SLC71A2: variants seen among roughly 807,000 people sequenced by gnomAD.
The protein encoded by SLC71A2 is solute carrier family 71 member 2, also known as hippocampus abundant transcript-like 1.
At chr9:94,414,183 T>C in the SLC71A2 span, among the ~76,000 whole-genome samples, 1 of 152,248 alleles carries the variant, frequency 6.6e-6, no homozygotes, top group Non-Finnish European at 1.5e-5. Flanking sequence ...TGCAGTTCTT[T>C]GTTTTCTCAG....
At chr9:94,458,357 C>T in the SLC71A2 span, 9 of 1,613,188 alleles carry the variant, frequency 5.6e-6, no homozygotes, top group Non-Finnish European at 7.6e-6. Context: ...AATAAGAGGA[C>T]TATGCAATGG....
the SLC71A2 span, among the ~76,000 whole-genome samples, chr9:94,447,738 A>G: frequency 3.3e-5 from 5 of 152,150 alleles, no homozygotes; most frequent in African/African-American, 1.2e-4. Flanking sequence ...ATGGGTTTGG[A>G]CAAACGTATG....
At chr9:94,378,325 G>A in the SLC71A2 span, among the ~76,000 whole-genome samples, 4 of 152,032 alleles carry the variant, frequency 2.6e-5, no homozygotes, top group South Asian at 8.3e-4. Context: ...AGCTTATCAC[G>A]TGTTGGGGAG....
the SLC71A2 span, among the ~76,000 whole-genome samples, chr9:94,452,630 TA>T: frequency 1.0e-5 from 1 of 98,570 alleles, no homozygotes; most frequent in South Asian, 3.3e-4. Context: ...TATATATATA[TA>T]TTTTCATATA....
At chr9:94,459,120 A>G in the SLC71A2 span, 1 of 1,594,242 alleles carries the variant, frequency 6.3e-7, no homozygotes, top group South Asian at 1.1e-5. Context: ...TTAAAAGACT[A>G]ACTGTATTCT....
the SLC71A2 span, chr9:94,459,647 C>G: frequency 2.2e-6 from 1 of 457,178 alleles, no homozygotes. Context: ...TGAAATACTT[C>G]CTTGCAAATA....
At chr9:94,428,735 T>G in the SLC71A2 span, among the ~76,000 whole-genome samples, 1 of 152,030 alleles carries the variant, frequency 6.6e-6, no homozygotes, top group East Asian at 1.9e-4. Context: ...TGCTGAGTTT[T>G]GATAAATACA....
the SLC71A2 span, among the ~76,000 whole-genome samples, chr9:94,405,221 C>T: frequency 2.0e-5 from 3 of 151,958 alleles, no homozygotes; most frequent in Admixed American, 6.6e-5. Context: ...CTAGGCCGGG[C>T]GCAGTGGCTC....
the SLC71A2 span, among the ~76,000 whole-genome samples, chr9:94,427,364 A>G: frequency 2.3e-4 from 35 of 152,186 alleles, no homozygotes; most frequent in African/African-American, 8.2e-4. Context: ...AATTGCCTGC[A>G]TGGTAGCTTG....
chr9:94,432,693 TTTCCA>T, the SLC71A2 span: 1 of 288,582 alleles, frequency 3.5e-6, no homozygotes, highest in Non-Finnish European at 7.1e-6. Context: ...GCTGTAGTAC[TTTCCA>T]GGACACAGCC....
the SLC71A2 span, among the ~76,000 whole-genome samples, chr9:94,455,187 AGAG>A: frequency 3.6e-4 from 11 of 30,692 alleles, no homozygotes; most frequent in African/African-American, 2.4e-3. Flanking sequence ...TTTTTGAGAG[AGAG>A]AGGGTCTGGC....
the SLC71A2 span, among the ~76,000 whole-genome samples, chr9:94,437,815 G>GGT: frequency 4.2e-5 from 6 of 144,104 alleles, no homozygotes; most frequent in Non-Finnish European, 9.1e-5. Flanking sequence ...GTCAAATGTG[G>GGT]GTATATATAT....
At chr9:94,387,377 C>T in the SLC71A2 span, among the ~76,000 whole-genome samples, 90 of 151,974 alleles carry the variant, frequency 5.9e-4, no homozygotes, top group Middle Eastern at 3.4e-3. Context: ...GATGTTTTCC[C>T]GCCTTTTAAA....
chr9:94,383,708 A>C, the SLC71A2 span, among the ~76,000 whole-genome samples: 2 of 152,204 alleles, frequency 1.3e-5, no homozygotes, highest in East Asian at 1.9e-4. Flanking sequence ...TGGGATTGTT[A>C]TTGGTATTCT....
the SLC71A2 span, among the ~76,000 whole-genome samples, chr9:94,450,018 A>G: frequency 8.9e-4 from 135 of 152,346 alleles, no homozygotes; most frequent in Non-Finnish European, 1.6e-3. Flanking sequence ...AGGCAAATCC[A>G]TAGGGACAGG....
At chr9:94,385,885 T>G in the SLC71A2 span, among the ~76,000 whole-genome samples, 3 of 152,188 alleles carry the variant, frequency 2.0e-5, no homozygotes, top group South Asian at 2.1e-4. Flanking sequence ...GGACCTCCTT[T>G]TTTTTCTTTA....
chr9:94,414,704 G>A, the SLC71A2 span, among the ~76,000 whole-genome samples: 1 of 152,138 alleles, frequency 6.6e-6, no homozygotes, highest in Non-Finnish European at 1.5e-5. Context: ...ATGTCACCCA[G>A]GTTGGAGTGC....
chr9:94,459,383 G>A, the SLC71A2 span: 1 of 1,614,016 alleles, frequency 6.2e-7, no homozygotes, highest in Non-Finnish European at 8.5e-7. Flanking sequence ...TTCATTTGAG[G>A]AGCCTGGGAA....
the SLC71A2 span, among the ~76,000 whole-genome samples, chr9:94,410,687 G>A: frequency 2.0e-5 from 3 of 152,180 alleles, no homozygotes; most frequent in Non-Finnish European, 2.9e-5. Flanking sequence ...TCATAGGAAA[G>A]AAGCTCAGCT....
Sources: allele counts gnomAD v4.1 joint callset (sites outside exome capture counted in the v4.1 genomes callset), GRCh38; gene constraint gnomAD v4.1.1; transcripts MANE v1.5; gene names NCBI Gene and HGNC (gene_info 2026-07-23, HGNC 2026-07-21).